METTL16: variants seen among roughly 807,000 people sequenced by gnomAD.
METTL16 encodes RNA N(6)-adenosine-methyltransferase METTL16.
A neutral mutation model predicts 57.9 loss-of-function variants in METTL16; 19 were observed. The ratio of observed to expected loss-of-function variants is 0.33; its 90% CI spans 0.23 to 0.48. The LOEUF (loss-of-function observed/expected upper bound fraction) is 0.48, where lower values mean the gene tolerates loss of function less well. METTL16 is among the 20% of genes least tolerant of loss of function. The probability of loss-of-function intolerance (pLI) is 0.99; values close to 1 mark genes in which losing one functional copy is unlikely to be tolerated. For missense variants in METTL16, 434 were observed against 691.5 expected (o/e 0.63, Z 4.18); for synonymous variants, 246 against 255.6 (o/e 0.96, Z 0.36).
chr17:2,452,396 G>A (rs1158132642), intron 6 of METTL16, among the ~76,000 whole-genome samples: 1 of 152,058 alleles, frequency 6.6e-6, no homozygotes, highest in Non-Finnish European at 1.5e-5. Context: ...CATTGGATGT[G>A]TTAAAAATCC....
rs2067277745 is a variant in METTL16, at chr17:2,477,690, G to A, written c.324C>T (p.Asp108=). The A allele has an allele frequency of 6.2e-7, 1 of 1,609,826 alleles. No individual in the cohort carries two copies. Among genetic ancestry groups the A allele is most frequent in the Non-Finnish European group, 8.5e-7 (1 of 1,176,138 alleles). The change falls in exon 3 of 10, where the codon GAC becomes GAT. Residue 108 remains aspartate (D), a synonymous_variant. Coordinates refer to ENST00000263092, the MANE Select transcript of METTL16 (RefSeq NM_024086.4). ...SDKSTLRRGI[D]IGTGASCIYP... ...AAAGAATTTAAAATGATATACCTAT[G>A]TCAATTCCTCTTCGGAGAGTACTTT... is the stretch of plus-strand genomic sequence containing the variant.
intron 2 of METTL16, among the ~76,000 whole-genome samples, chr17:2,485,034 G>GT (rs1176738539): frequency 2.0e-5 from 3 of 152,156 alleles, no homozygotes; most frequent in Admixed American, 6.5e-5. Context: ...TCCCTGGCCT[G>GT]TTAGGACTTG....
chr17:2,467,690 T>A, intron 5 of METTL16, 71 bp downstream of exon 5: 1 of 1,171,300 alleles, frequency 8.5e-7, no homozygotes, highest in Middle Eastern at 2.0e-4. Flanking sequence ...CCTCCCAAAG[T>A]GCAGGGATTA....
chr17:2,494,134 C>T (rs943720119), intron 2 of METTL16, among the ~76,000 whole-genome samples: 2 of 152,190 alleles, frequency 1.3e-5, no homozygotes, highest in Non-Finnish European at 2.9e-5. Flanking sequence ...TAACCTCTAT[C>T]TCCTGGGTTC....
chr17:2,448,781 TA>T (rs1369462081), intron 6 of METTL16, among the ~76,000 whole-genome samples: 391 of 33,670 alleles, frequency 0.012, 11 homozygotes, highest in African/African-American at 0.036. Context: ...AATAAAAAAA[TA>T]AAAAAATAAA....
chr17:2,473,548 T>C lies in METTL16; in HGVS notation c.445A>G (p.Asn149Asp). 1 of 1,613,952 alleles carries C rather than the reference T, an allele frequency of 6.2e-7. No homozygotes were observed. The highest frequency in any genetic ancestry group is 8.5e-7 in the Non-Finnish European group (1 of 1,179,990). The change falls in exon 4 of 10, where the codon AAT (asparagine) becomes GAT (aspartate). Residue 149 changes from asparagine (N) to aspartate (D), a missense_variant. Asn to Asp is a conservative substitution (Grantham distance 23). Around this residue, in one of 5 missense-constraint regions of METTL16, gnomAD observed 118 missense variants for 280.0 expected, o/e 0.42. Coordinates refer to ENST00000263092, the MANE Select transcript of METTL16 (RefSeq NM_024086.4). ...FNYAKKNVEQ[N>D]NLSDLIKVVK... Reference sequence around the variant, plus strand: ...CCTTTTATGAGATCAGATAAGTTATTCTGTTCCACATTTTTCTTTGCATAG... The same window carrying C: ...CCTTTTATGAGATCAGATAAGTTATCCTGTTCCACATTTTTCTTTGCATAG...
intron 6 of METTL16, among the ~76,000 whole-genome samples, chr17:2,457,481 C>T (rs557137220): frequency 4.0e-5 from 6 of 151,826 alleles, no homozygotes; most frequent in African/African-American, 9.7e-5. Context: ...CCGAGGCAGG[C>T]GGATAACCTG....
chr17:2,423,864 C>T (rs2066788065), intron 8 of METTL16, among the ~76,000 whole-genome samples: 1 of 152,150 alleles, frequency 6.6e-6, no homozygotes, highest in Non-Finnish European at 1.5e-5. Flanking sequence ...TAAGAAAATA[C>T]ATCTTTACCA....
chr17:2,456,973 A>C (rs1472023151), intron 6 of METTL16, among the ~76,000 whole-genome samples: 2 of 150,938 alleles, frequency 1.3e-5, no homozygotes, highest in Non-Finnish European at 2.9e-5. Context: ...ATGCCAAAGC[A>C]GCTTTCTCCA....
intron 6 of METTL16, among the ~76,000 whole-genome samples, chr17:2,460,584 C>G (rs1298807907): frequency 1.3e-5 from 2 of 152,156 alleles, no homozygotes; most frequent in African/African-American, 4.8e-5. Context: ...GGCTCTAGTT[C>G]CCTCAAAAGC....
intron 6 of METTL16, among the ~76,000 whole-genome samples, chr17:2,445,268 A>G (rs2066986707): frequency 6.6e-6 from 1 of 152,202 alleles, no homozygotes; most frequent in Non-Finnish European, 1.5e-5. Context: ...CATGCCGTAC[A>G]GGTTTGTAGC....
intron 7 of METTL16, among the ~76,000 whole-genome samples, chr17:2,440,029 A>T (rs1368643613): frequency 1.3e-5 from 2 of 152,168 alleles, no homozygotes; most frequent in Non-Finnish European, 2.9e-5. Flanking sequence ...TTTATAAAAA[A>T]TAAGGATTAC....
intron 1 of METTL16, among the ~76,000 whole-genome samples, chr17:2,510,390 C>T (rs1212302776): frequency 6.6e-6 from 1 of 152,312 alleles, no homozygotes; most frequent in East Asian, 1.9e-4. Flanking sequence ...GAGACAGTGG[C>T]ATGTTAGGGC....
intron 6 of METTL16, among the ~76,000 whole-genome samples, chr17:2,461,524 T>G (rs2067150023): frequency 6.6e-6 from 1 of 151,640 alleles, no homozygotes; most frequent in South Asian, 2.1e-4. Flanking sequence ...TCCTGTAGCC[T>G]GCAAAGACCC....
At position 2,419,366 on chromosome 17, in the gene METTL16, C is replaced by A. The variant is rs1026293076; in HGVS notation, c.*604G>T. 1 of 265,004 alleles carries A rather than the reference C, an allele frequency of 3.8e-6. No individual in the cohort carries two copies. Among genetic ancestry groups the A allele is most frequent in the African/African-American group, 2.2e-5 (1 of 44,570 alleles). The allele number at this position is 265,004 out of a possible 1,614,324, so 16.4% of individuals were successfully genotyped here. The stretch of plus-strand genomic sequence containing the variant: ...GCTTCTGAAATAAGCAACATCAAAA[C>A]AGCCAGGTGTCAGGAATGTGCCATT... On this transcript the variant is annotated 3_prime_UTR_variant, in exon 10 of 10. Coordinates refer to ENST00000263092, the MANE Select transcript of METTL16 (RefSeq NM_024086.4).
At chr17:2,469,782 A>G (rs755703058) in intron 4 of METTL16, among the ~76,000 whole-genome samples, 4 of 152,150 alleles carry the variant, frequency 2.6e-5, no homozygotes, top group Non-Finnish European at 4.4e-5. Flanking sequence ...CGGCCTCCCA[A>G]AGAGCTGGGA....
intron 4 of METTL16, among the ~76,000 whole-genome samples, chr17:2,470,309 GA>G (rs35163850): frequency 6.8e-6 from 1 of 147,564 alleles, no homozygotes; most frequent in Admixed American, 6.8e-5. Context: ...AAATGAAAAA[GA>G]AAAAAAAAAC....
chr17:2,500,978 G>A (rs1258976584), intron 2 of METTL16, among the ~76,000 whole-genome samples: 2 of 152,138 alleles, frequency 1.3e-5, no homozygotes, highest in Admixed American at 6.5e-5. Flanking sequence ...TTAGCCAGGC[G>A]TGGTGGTAGA....
At chr17:2,460,306 G>A (rs1300801659) in intron 6 of METTL16, 1 of 152,114 alleles carries the variant, frequency 6.6e-6, no homozygotes, top group Admixed American at 6.6e-5. Flanking sequence ...GCTCTCCAGA[G>A]CTGGGATGGG....
Sources: gnomAD v4.1 joint callset for allele counts (sites outside exome capture counted in the v4.1 genomes callset) on GRCh38, gnomAD v4.1.1 for gene constraint, gnomAD v4.1.1 regional missense constraint, MANE v1.5 for transcripts, NCBI Gene and HGNC (gene_info 2026-07-23, HGNC 2026-07-21) for gene names.